Variants in RSPH14 observed in about 807,000 individuals in gnomAD.
RSPH14 encodes radial spoke head 14 homolog.
Under a neutral mutation model 26.7 loss-of-function variants are expected in RSPH14, and 20 were observed. That is an observed-to-expected ratio of 0.75 (90% CI 0.53 to 1.09). RSPH14 has a LOEUF of 1.09. Among genes scored for constraint, RSPH14 ranks in the 50% least tolerant of loss-of-function variants. The pLI is 0.00. For synonymous variants in RSPH14, 177 were observed against 189.3 expected, an observed-to-expected ratio of 0.93 and a Z score of 0.53; for missense variants, 449 against 457.2, an observed-to-expected ratio of 0.98 and a Z score of 0.16.
the RSPH14 span, chr22:23,159,225 C>G: frequency 6.2e-7 from 1 of 1,603,442 alleles, no homozygotes; most frequent in Non-Finnish European, 8.5e-7. Context: ...AGATGCAGGC[C>G]GAGTACTGGT....
chr22:23,134,026 C>T lies in RSPH14; in HGVS notation c.421G>A (p.Gly141Arg). Residue 141 changes from glycine (G) to arginine (R), a missense_variant and splice_region_variant, in exon 4 of 7, where the codon GGG (glycine) becomes AGG (arginine). Gly to Arg is a moderately radical substitution (Grantham distance 125, BLOSUM62 -2). Transcript: ENST00000216036. Reference protein sequence around the residue: ...AYMQLVQVPRGAQEIISKGLI... With the variant: ...AYMQLVQVPRRAQEIISKGLI... Reference sequence around the variant, plus strand: ...ATCTGTGTGCAGGACGCAAGCCTACCTCTAGGCACCTGGACCAGCTGCATG... The same window carrying T: ...ATCTGTGTGCAGGACGCAAGCCTACTTCTAGGCACCTGGACCAGCTGCATG... 2 of 1,612,050 alleles carry T rather than the reference C, an allele frequency of 1.2e-6. No individual in the cohort carries two copies. Among genetic ancestry groups the T allele is most frequent in the Non-Finnish European group, 8.5e-7 (1 of 1,178,282 alleles).
chr22:23,064,906 G>A (rs1194486089), intron 4 of RSPH14, among the ~76,000 whole-genome samples: 2 of 152,260 alleles, frequency 1.3e-5, no homozygotes, highest in African/African-American at 4.8e-5. Context: ...AACCCAGCAC[G>A]AGTGGCATCC....
At chr22:23,126,823 G>A (rs1252923007) in intron 4 of RSPH14, among the ~76,000 whole-genome samples, 1 of 152,196 alleles carries the variant, frequency 6.6e-6, no homozygotes, top group Non-Finnish European at 1.5e-5. Flanking sequence ...TCCTTTCCCA[G>A]GACCCACCAT....
chr22:23,140,135 T>C (rs1444688205), intron 2 of RSPH14, 87 bp downstream of exon 2: 3 of 1,544,732 alleles, frequency 1.9e-6, no homozygotes, highest in Non-Finnish European at 2.6e-6. Context: ...GCTCAAACAA[T>C]AGCAACCCTT....
the RSPH14 span, among the ~76,000 whole-genome samples, chr22:23,172,775 C>A: frequency 1.3e-5 from 2 of 151,430 alleles, no homozygotes; most frequent in Non-Finnish European, 2.9e-5. Context: ...ACGGTGAAAC[C>A]CCATCTCTAC....
At chr22:23,082,307 C>A (rs1486223036) in intron 4 of RSPH14, among the ~76,000 whole-genome samples, 1 of 151,380 alleles carries the variant, frequency 6.6e-6, no homozygotes, top group Non-Finnish European at 1.5e-5. Context: ...ACCTCCGCCT[C>A]CCAGGTTCAA....
intron 4 of RSPH14, among the ~76,000 whole-genome samples, chr22:23,107,567 G>A (rs2069518206): frequency 6.6e-6 from 1 of 152,172 alleles, no homozygotes; most frequent in Non-Finnish European, 1.5e-5. Context: ...TGAACTGGGG[G>A]CCTCTGTCTG....
chr22:23,141,918 C>T, intron 1 of RSPH14, 31 bp downstream of exon 1: 1 of 954,334 alleles, frequency 1.0e-6, no homozygotes, highest in Non-Finnish European at 1.2e-6. Flanking sequence ...CCCCCTGTCC[C>T]CGGGCCCCTA....
chr22:23,150,619 T>A, the RSPH14 span, among the ~76,000 whole-genome samples: 1 of 152,162 alleles, frequency 6.6e-6, no homozygotes, highest in Non-Finnish European at 1.5e-5. Context: ...GGGGTTTTCA[T>A]CTGGCTTCAG....
intron 4 of RSPH14, among the ~76,000 whole-genome samples, chr22:23,091,869 C>T (rs1177743852): frequency 6.6e-6 from 1 of 152,220 alleles, no homozygotes; most frequent in Non-Finnish European, 1.5e-5. Flanking sequence ...CTCTCCTCCT[C>T]TCCCTCAGTC....
intron 4 of RSPH14, among the ~76,000 whole-genome samples, chr22:23,117,545 TC>T (rs1206247107): frequency 6.6e-6 from 1 of 152,168 alleles, no homozygotes; most frequent in Non-Finnish European, 1.5e-5. Flanking sequence ...AAGCAGGTCT[TC>T]CGATGAGACC....
chr22:23,065,221 CCTTCT>C (rs948079624), intron 4 of RSPH14, among the ~76,000 whole-genome samples: 21 of 152,324 alleles, frequency 1.4e-4, no homozygotes, highest in African/African-American at 4.8e-4. Context: ...ATCACCCCAA[CCTTCT>C]TCCCCCACTC....
intron 5 of RSPH14, among the ~76,000 whole-genome samples, chr22:23,062,942 G>C (rs1242585499): frequency 6.6e-6 from 1 of 152,244 alleles, no homozygotes; most frequent in African/African-American, 2.4e-5. Context: ...TGCAAACCCT[G>C]GGTTTAGGGC....
upstream of RSPH14, among the ~76,000 whole-genome samples, chr22:23,144,697 A>T (rs549680817): frequency 6.6e-6 from 1 of 152,204 alleles, no homozygotes; most frequent in East Asian, 1.9e-4. Flanking sequence ...TTTAAAAAAA[A>T]AAAAAAAAGA....
the RSPH14 span, chr22:23,152,344 G>C: frequency 9.6e-6 from 10 of 1,040,910 alleles, no homozygotes; most frequent in Non-Finnish European, 9.0e-6. Context: ...GGCCCATCCT[G>C]TGTCCAGGAG....
chr22:23,163,606 G>GCCCCCCCCCCCCCCCCCCC, the RSPH14 span: 10 of 125,228 alleles, frequency 8.0e-5, no homozygotes, highest in African/African-American at 1.1e-4. Context: ...CAAGGTGAAA[G>GCCCCCCCCCCCCCCCCCCC]CCCCCCCCCC....
At chr22:23,159,201 G>A in the RSPH14 span, 1 of 1,610,156 alleles carries the variant, frequency 6.2e-7, no homozygotes, top group Non-Finnish European at 8.5e-7. Context: ...CAGACGCTGT[G>A]CACCTGGCCA....
the RSPH14 span, among the ~76,000 whole-genome samples, chr22:23,156,493 A>G: frequency 6.6e-6 from 1 of 152,272 alleles, no homozygotes; most frequent in African/African-American, 2.4e-5. Context: ...TCCATGGCCA[A>G]GGGCAGCCAG....
chr22:23,156,199 C>T, the RSPH14 span: 1 of 599,028 alleles, frequency 1.7e-6, no homozygotes, highest in Non-Finnish European at 2.9e-6. Flanking sequence ...CTGCCTTCAT[C>T]CCCAGGCACT....
Sources: gnomAD v4.1 joint callset for allele counts (sites outside exome capture counted in the v4.1 genomes callset) on GRCh38, gnomAD v4.1.1 for gene constraint, MANE v1.5 for transcripts, NCBI Gene and HGNC (gene_info 2026-07-23, HGNC 2026-07-21) for gene names.